TBC1D1: variants seen among roughly 807,000 people sequenced by gnomAD.
TBC1D1 encodes the protein TBC1 domain family member 1.
In TBC1D1, 89 loss-of-function variants were observed where a neutral mutation model predicts 125.6. The observed-to-expected ratio is 0.71, with a 90% CI of 0.60 to 0.85. The LOEUF is 0.85. Ranked by LOEUF, TBC1D1 falls within the 40% of genes least tolerant of loss-of-function variation. TBC1D1 has a pLI of 0.00. For missense variants in TBC1D1, 1,377 were observed against 1,469.2 expected (o/e 0.94, Z 1.03); for synonymous variants, 565 against 564.1 (o/e 1.00, Z -0.02).
At chr4:38,064,194 C>T (rs151017717) in intron 12 of TBC1D1, among the ~76,000 whole-genome samples, 3 of 152,136 alleles carry the variant, frequency 2.0e-5, no homozygotes, top group Non-Finnish European at 4.4e-5. Context: ...TATTAATATT[C>T]CGTTGTATAG....
intron 2 of TBC1D1, chr4:37,960,596 A>G (rs1729802471): frequency 6.2e-7 from 1 of 1,614,116 alleles, no homozygotes; most frequent in Non-Finnish European, 8.5e-7. Context: ...ATGCTCCATC[A>G]GCCTTACCTA....
rs575463901 is a variant in TBC1D1 at position 37,908,125 on chromosome 4, G to T, written c.417+5613G>T. Among the ~76,000 whole-genome samples, 6 of 152,094 alleles carry T rather than the reference G, an allele frequency of 3.9e-5. 1 individual carries two copies. The East Asian group carries it at 9.7e-4, about 25-fold the overall frequency. ...TTGAGATGGTAATAGGTGGAGAAGT[G>T]CAGGCTGGTGTGTGGTCGAGGGCAG... On this transcript the variant is annotated intron_variant, in intron 2 of 19. Coordinates refer to ENST00000261439, the MANE Select transcript of TBC1D1 (RefSeq NM_015173.4).
At chr4:37,962,054 C>T (rs1730162455) in intron 2 of TBC1D1, among the ~76,000 whole-genome samples, 1 of 152,136 alleles carries the variant, frequency 6.6e-6, no homozygotes, top group African/African-American at 2.4e-5. Flanking sequence ...GCCTGTCTTC[C>T]CAAATAAACT....
intron 2 of TBC1D1, among the ~76,000 whole-genome samples, chr4:37,947,743 T>G (rs1236998867): frequency 6.6e-6 from 1 of 152,144 alleles, no homozygotes; most frequent in Non-Finnish European, 1.5e-5. Flanking sequence ...AACAGATCAG[T>G]GGTTGTTTGG....
At chr4:37,974,503 T>A (rs549326933) in intron 2 of TBC1D1, among the ~76,000 whole-genome samples, 2 of 152,266 alleles carry the variant, frequency 1.3e-5, no homozygotes, top group East Asian at 3.9e-4. Context: ...CATCCCAAAG[T>A]GCTGGGATTA....
chr4:38,095,853 G>GT (rs548817026), intron 13 of TBC1D1, 76 bp from the exon 16 acceptor site: 2 of 1,452,086 alleles, frequency 1.4e-6, no homozygotes, highest in Non-Finnish European at 1.9e-6. Context: ...GGGATAACAA[G>GT]TAGGCAGCCA....
At chr4:37,924,420 G>A (rs1290472039) in intron 2 of TBC1D1, among the ~76,000 whole-genome samples, 1 of 152,118 alleles carries the variant, frequency 6.6e-6, no homozygotes, top group Non-Finnish European at 1.5e-5. Flanking sequence ...TTTTAGGTGT[G>A]CAGTTCAGTG....
At chr4:37,978,433 A>G (rs879469815) in intron 2 of TBC1D1, among the ~76,000 whole-genome samples, 3 of 152,186 alleles carry the variant, frequency 2.0e-5, no homozygotes, top group Non-Finnish European at 4.4e-5. Context: ...ACAACTCGTT[A>G]GCCATACTGT....
At position 38,014,605 on chromosome 4, in the gene TBC1D1, A is replaced by G. The variant is rs752005881; in HGVS notation, c.514A>G (p.Lys172Glu). 17 of 1,613,230 alleles carry G rather than the reference A, an allele frequency of 1.1e-5. No individual in the cohort carries two copies. Among genetic ancestry groups the G allele is most frequent in the Non-Finnish European group, 1.4e-5 (17 of 1,180,008 alleles). Residue 172 changes from lysine to glutamate, a missense_variant, in exon 3 of 20, where the codon AAG becomes GAG. Transcript: ENST00000261439. The surrounding 1 kb of genome is among the most constrained non-coding windows in gnomAD (Gnocchi z 5.1). ...CGAGTTCGACGACACGTTTTCCAAG[A>G]AGTTCGAGGTGCTCTTCTGCGGCCG...
chr4:38,045,760 C>A, intron 9 of TBC1D1, 57 bp from the exon 10 acceptor site: 2 of 1,326,474 alleles, frequency 1.5e-6, no homozygotes, highest in Non-Finnish European at 2.2e-6. Context: ...CTGCTTCTAG[C>A]TGATGCCTTT....
At chr4:38,025,644 A>G (rs1401977634) in intron 6 of TBC1D1, among the ~76,000 whole-genome samples, 1 of 152,250 alleles carries the variant, frequency 6.6e-6, no homozygotes, top group African/African-American at 2.4e-5. Flanking sequence ...TGAATGTTTC[A>G]TGAAACAATA....
chr4:38,034,954 T>G (rs2152456891), intron 7 of TBC1D1, among the ~76,000 whole-genome samples: 1 of 152,322 alleles, frequency 6.6e-6, no homozygotes, highest in East Asian at 1.9e-4. Context: ...AAGCTAGAAT[T>G]AAGGGGCTTG....
chr4:38,039,274 C>T (rs1006538747), intron 8 of TBC1D1, among the ~76,000 whole-genome samples: 1 of 151,676 alleles, frequency 6.6e-6, no homozygotes, highest in Non-Finnish European at 1.5e-5. Context: ...CCTGCCACCA[C>T]TCCCAGCTAA....
intron 18 of TBC1D1, among the ~76,000 whole-genome samples, chr4:38,130,313 A>G (rs1291711484): frequency 1.3e-5 from 2 of 152,278 alleles, no homozygotes; most frequent in African/African-American, 4.8e-5. Context: ...ATAGCTAGAT[A>G]TAAAAGTTGT....
intron 6 of TBC1D1, among the ~76,000 whole-genome samples, chr4:38,023,257 AAAG>A (rs1377768353): frequency 3.3e-5 from 5 of 150,266 alleles, no homozygotes; most frequent in Admixed American, 6.6e-5. Context: ...AAAAAAAAAA[AAAG>A]GAATATTTAT....
intron 2 of TBC1D1, among the ~76,000 whole-genome samples, chr4:37,967,858 C>T (rs191126727): frequency 1.4e-4 from 21 of 152,182 alleles, no homozygotes; most frequent in Admixed American, 9.8e-4. Context: ...GTGTGGGTGT[C>T]GAAATCTTGA....
At chr4:37,924,086 C>T (rs1483709979) in intron 2 of TBC1D1, among the ~76,000 whole-genome samples, 1 of 152,130 alleles carries the variant, frequency 6.6e-6, no homozygotes, top group Non-Finnish European at 1.5e-5. Flanking sequence ...GTCTTACTCT[C>T]GGCTTCCTTA....
intron 2 of TBC1D1, among the ~76,000 whole-genome samples, chr4:37,967,056 T>C (rs1035863038): frequency 1.3e-5 from 2 of 151,674 alleles, no homozygotes; most frequent in Non-Finnish European, 2.9e-5. Context: ...TGTGGCACCA[T>C]TTTTTTTTCC....
At chr4:38,023,279 A>T (rs1744434138) in intron 6 of TBC1D1, among the ~76,000 whole-genome samples, 2 of 152,038 alleles carry the variant, frequency 1.3e-5, no homozygotes, top group South Asian at 4.1e-4. Context: ...ATTATAAGCT[A>T]TAAGTTTGCA....
Sources: gnomAD v4.1 joint callset for allele counts (sites outside exome capture counted in the v4.1 genomes callset) on GRCh38, gnomAD v4.1.1 for gene constraint, Gnocchi (gnomAD v3.1) non-coding constraint, MANE v1.5 for transcripts, NCBI Gene and HGNC (gene_info 2026-07-23, HGNC 2026-07-21) for gene names.